SMARCB1: variants seen among roughly 807,000 people sequenced by gnomAD.
SMARCB1 encodes SWI/SNF-related matrix-associated actin-dependent regulator of chromatin subfamily B member 1.
A neutral mutation model predicts 49.0 loss-of-function variants in SMARCB1; 5 were observed. The observed-to-expected ratio is 0.10, with a 90% confidence interval of 0.05 to 0.21. The LOEUF (loss-of-function observed/expected upper bound fraction) is 0.21, where lower values mean the gene tolerates loss of function less well. SMARCB1 is among the 10% of genes least tolerant of loss of function. SMARCB1 has a pLI of 1.00. For missense variants in SMARCB1, 226 were observed against 509.2 expected (o/e 0.44, Z 5.35); for synonymous variants, 201 against 200.1 (o/e 1.00, Z -0.04).
In SMARCB1 at chr22:23,787,366, G is replaced by C. The variant is rs553110023; in HGVS notation, c.93+104G>C. On this transcript the variant is annotated intron_variant, in intron 1 of 8. Coordinates refer to ENST00000644036, the MANE Select transcript of SMARCB1 (RefSeq NM_003073.5). ...GCGTCTCCATTCATCGGGGCGGGCGGGCGCGCGCGCGCGCGCTCGGGGCTG... is the reference window on the plus strand; with the variant it reads ...GCGTCTCCATTCATCGGGGCGGGCGCGCGCGCGCGCGCGCGCTCGGGGCTG... 4,499 of 483,136 alleles carry C rather than the reference G, an allele frequency of 9.3e-3. 133 individuals are homozygous for C. The highest frequency in any genetic ancestry group is 0.081 in the South Asian group (2,734 of 33,560). The allele number at this position is 483,136 out of a possible 1,614,324, so 29.9% of individuals were successfully genotyped here. A position where few individuals can be genotyped will look rare whatever the true frequency, so the allele number is the denominator to read the frequency against.
chr22:23,809,085 G>A (rs1206451745), intron 5 of SMARCB1, among the ~76,000 whole-genome samples: 2 of 151,366 alleles, frequency 1.3e-5, no homozygotes, highest in Non-Finnish European at 2.9e-5. Flanking sequence ...TGCCCGCCTT[G>A]GCCTCCCAAA....
chr22:23,832,555 G>C (rs1434483789), intron 7 of SMARCB1, among the ~76,000 whole-genome samples: 1 of 152,206 alleles, frequency 6.6e-6, no homozygotes, highest in African/African-American at 2.4e-5. Flanking sequence ...GAGGGGAGGG[G>C]AAGTGGGAGA....
At chr22:23,808,922 T>C (rs1166164962) in intron 5 of SMARCB1, among the ~76,000 whole-genome samples, 1 of 150,844 alleles carries the variant, frequency 6.6e-6, no homozygotes, top group Non-Finnish European at 1.5e-5. Context: ...GGCCTTGAAC[T>C]CCCACCTCAG....
At chr22:23,802,875 T>C (rs940928774) in intron 4 of SMARCB1, 1 of 338,712 alleles carries the variant, frequency 3.0e-6, no homozygotes, top group African/African-American at 2.1e-5. Context: ...TCACGGAATC[T>C]GTGCTCTGTG....
intron 5 of SMARCB1, among the ~76,000 whole-genome samples, chr22:23,811,391 C>A (rs1929862188): frequency 6.6e-6 from 1 of 152,182 alleles, no homozygotes; most frequent in South Asian, 2.1e-4. Flanking sequence ...TATCGACCAA[C>A]AGAATCTGAT....
chr22:23,834,784 T>C lies in SMARCB1; in HGVS notation c.*604T>C, dbSNP rs751534037. 6 of 1,579,492 alleles carry C rather than the reference T, an allele frequency of 3.8e-6. No individual in the cohort carries two copies. The Admixed American group carries it at 5.4e-5, about 14-fold the overall frequency. ...GTGAGGCTCAGGGCAAGAGGCTCTC[T>C]GCCTTTCAGGAACAGCCCTAACCCT... On this transcript the variant is annotated 3_prime_UTR_variant, in exon 9 of 9. Transcript: ENST00000644036.
rs2030322683 is a variant in SMARCB1 at position 23,825,297 on chromosome 22, C to A, written c.868C>A (p.Pro290Thr). The change falls in exon 7 of 9, where the codon CCA (proline) becomes ACA (threonine). Residue 290 changes from proline to threonine, a missense_variant. Coordinates refer to ENST00000644036, the MANE Select transcript of SMARCB1 (RefSeq NM_003073.5). ...EWDMSEKENS[P>T]EKFALKLCSE... The stretch of plus-strand genomic sequence containing the variant: ...GGACATGTCAGAGAAGGAGAACTCA[C>A]CAGAGAAGTTTGCCCTGAAGCTGTG... 1 of 1,614,080 alleles carries A rather than the reference C, an allele frequency of 6.2e-7. No individual in the cohort carries two copies. Among genetic ancestry groups the A allele is most frequent in the Non-Finnish European group, 8.5e-7 (1 of 1,179,912 alleles).
At chr22:23,803,559 G>GT in intron 5 of SMARCB1, 137 bp downstream of exon 5, 1 of 988,218 alleles carries the variant, frequency 1.0e-6, no homozygotes, top group South Asian at 1.4e-5. Context: ...GTTTTGGAGG[G>GT]TGTGGGCTCT....
intron 6 of SMARCB1, among the ~76,000 whole-genome samples, chr22:23,822,027 G>A (rs569540075): frequency 1.3e-5 from 2 of 152,312 alleles, no homozygotes; most frequent in South Asian, 2.1e-4. Flanking sequence ...CTGTAAGGAC[G>A]TCCTTTGTCT....
intron 7 of SMARCB1, chr22:23,825,657 G>T: frequency 1.8e-6 from 1 of 558,306 alleles, no homozygotes; most frequent in South Asian, 2.2e-5. Context: ...GTTCTGTCAG[G>T]GTGAACCTCA....
At position 23,837,375 on chromosome 22, in the gene SMARCB1, T is replaced by C. The variant is rs920369227; in HGVS notation, c.*3195T>C. 1.5e-5 allele frequency: 10 copies of C among 675,738 alleles called. No individual in the cohort carries two copies. In the African/African-American group the frequency reaches 1.8e-4, roughly 12 times the overall value. 41.9% of individuals were successfully genotyped at this position (675,738 alleles called of 1,614,324 possible). A position where few individuals can be genotyped will look rare whatever the true frequency, so the allele number is the denominator to read the frequency against. On this transcript the variant is annotated 3_prime_UTR_variant, in exon 9 of 9. Transcript: ENST00000644036. ...ACCCAGGGAGGGGAGGGCCTGAGAATAGTGGAGGAGTGGGAGCCATGGGGC... is the reference window on the plus strand; with the variant it reads ...ACCCAGGGAGGGGAGGGCCTGAGAACAGTGGAGGAGTGGGAGCCATGGGGC...
intron 4 of SMARCB1, chr22:23,801,413 C>T: frequency 1.6e-6 from 1 of 625,158 alleles, no homozygotes; most frequent in East Asian, 3.2e-5. Flanking sequence ...CAGATGCCAT[C>T]CACGTGACTC....
Position 23,836,728 on chromosome 22 carries a change from A to G in SMARCB1, c.*2548A>G, listed in dbSNP as rs1671827065. The G allele has an allele frequency of 7.4e-7, 1 of 1,359,192 alleles. No homozygotes were observed. The highest frequency in any genetic ancestry group is 2.0e-5 in the South Asian group (1 of 49,078). The allele number at this position is 1,359,192 out of a possible 1,614,324, so 84.2% of individuals were successfully genotyped here. On this transcript the variant is annotated 3_prime_UTR_variant, in exon 9 of 9. Transcript: ENST00000644036. ...ATGGGGAAGCCAGTGCTGTGGGCCA[A>G]GAGACTGCAGCTCATTCTGTTTATT...
In SMARCB1 at chr22:23,835,985, A is replaced by G; in HGVS notation, c.*1805A>G. The stretch of plus-strand genomic sequence containing the variant: ...CATGAAAATGACAACCTGTCTTTGG[A>G]GGAGGCCCCGTGCCACTGAGCATCC... On this transcript the variant is annotated 3_prime_UTR_variant, in exon 9 of 9. Coordinates refer to ENST00000644036, the MANE Select transcript of SMARCB1 (RefSeq NM_003073.5). The G allele has an allele frequency of 1.0e-6, 1 of 985,510 alleles. No homozygotes were observed. The highest frequency in any genetic ancestry group is 1.2e-6 in the Non-Finnish European group (1 of 829,952). The allele number at this position is 985,510 out of a possible 1,614,324, so 61.0% of individuals were successfully genotyped here. A position where few individuals can be genotyped will look rare whatever the true frequency, so the allele number is the denominator to read the frequency against.
chr22:23,825,647 G>A, intron 7 of SMARCB1: 1 of 567,722 alleles, frequency 1.8e-6, no homozygotes. Context: ...AAGACTTGGA[G>A]TTCTGTCAGG....
chr22:23,829,297 T>G (rs1234359165), intron 7 of SMARCB1, among the ~76,000 whole-genome samples: 13 of 151,598 alleles, frequency 8.6e-5, no homozygotes. Context: ...GAACCTGGGG[T>G]GAGGATGGCC....
At chr22:23,833,999 AGGCTGGGTCTGACCCTGCT>A (rs2030820655) in intron 8 of SMARCB1, 123 bp from the exon 9 acceptor site, 1 of 903,636 alleles carries the variant, frequency 1.1e-6, no homozygotes, top group Admixed American at 2.1e-5. Context: ...GGCTGAGAGA[AGGCTGGGTCTGACCCTGCT>A]GGGGGCCCAC....
chr22:23,813,537 C>T (rs948006153), intron 5 of SMARCB1, among the ~76,000 whole-genome samples: 1 of 152,116 alleles, frequency 6.6e-6, no homozygotes, highest in African/African-American at 2.4e-5. Context: ...CATTTATCAT[C>T]ACTCAATAAA....
At chr22:23,799,980 G>A (rs185707915) in intron 3 of SMARCB1, among the ~76,000 whole-genome samples, 18 of 151,426 alleles carry the variant, frequency 1.2e-4, no homozygotes, top group African/African-American at 1.9e-4. Flanking sequence ...CACCGCGCCC[G>A]GCTACACCTG....
Sources: allele counts gnomAD v4.1 joint callset (sites outside exome capture counted in the v4.1 genomes callset), GRCh38; gene constraint gnomAD v4.1.1; transcripts MANE v1.5; gene names NCBI Gene and HGNC (gene_info 2026-07-23, HGNC 2026-07-21).